Variants in TGFB1 observed in about 807,000 individuals in gnomAD.
TGFB1 encodes the protein transforming growth factor beta 1.
Under a neutral mutation model 43.8 loss-of-function variants are expected in TGFB1, and 19 were observed. That is an observed-to-expected ratio of 0.43 (90% confidence interval 0.30 to 0.64). TGFB1 has a LOEUF of 0.64. TGFB1 is among the 30% of genes least tolerant of loss of function. TGFB1 has a pLI of 0.11. For missense variants in TGFB1, 445 were observed against 529.8 expected, an observed-to-expected ratio of 0.84 and a Z score of 1.57; for synonymous variants, 221 against 236.3, an observed-to-expected ratio of 0.94 and a Z score of 0.60.
chr19:41,334,366 ACT>A (rs2037966517), intron 5 of TGFB1, among the ~76,000 whole-genome samples: 1 of 151,218 alleles, frequency 6.6e-6, no homozygotes, highest in African/African-American at 2.4e-5. Flanking sequence ...ACAGGGTGAG[ACT>A]CTGTCTTGAA....
At chr19:41,352,113 C>T (rs1309805802) in intron 1 of TGFB1, among the ~76,000 whole-genome samples, 1 of 152,072 alleles carries the variant, frequency 6.6e-6, no homozygotes, top group Admixed American at 6.6e-5. Context: ...ACGACTCTCC[C>T]CCACCCCCGC....
intron 2 of TGFB1, among the ~76,000 whole-genome samples, chr19:41,345,795 A>T (rs981475188): frequency 2.0e-5 from 3 of 150,908 alleles, no homozygotes; most frequent in Non-Finnish European, 4.4e-5. Flanking sequence ...CCAGCTACTC[A>T]GGAGGCTGAG....
At chr19:41,346,896 T>G (rs1226518125) in intron 2 of TGFB1, among the ~76,000 whole-genome samples, 1 of 151,894 alleles carries the variant, frequency 6.6e-6, no homozygotes, top group African/African-American at 2.4e-5. Flanking sequence ...TGGCTAATTT[T>G]TGTATTTTTA....
intron 5 of TGFB1, among the ~76,000 whole-genome samples, chr19:41,338,117 G>A (rs1191922784): frequency 6.6e-6 from 1 of 151,964 alleles, no homozygotes; most frequent in African/African-American, 2.4e-5. Flanking sequence ...GCTTGAACCT[G>A]GGAGGCGGAG....
intron 5 of TGFB1, among the ~76,000 whole-genome samples, chr19:41,336,495 C>G (rs963592639): frequency 6.6e-6 from 1 of 151,994 alleles, no homozygotes; most frequent in Admixed American, 6.6e-5. Context: ...AAGCCAACCT[C>G]CCACCTCAGC....
intron 3 of TGFB1, among the ~76,000 whole-genome samples, chr19:41,343,980 C>CTT (rs3061192): frequency 0.5 from 49,231 of 98,480 alleles, 12,721 homozygotes; most frequent in African/African-American, 0.6. Flanking sequence ...TGCCTGGAAT[C>CTT]TTTTTTTTTT....
At chr19:41,345,211 T>A (rs1013053396) in intron 2 of TGFB1, among the ~76,000 whole-genome samples, 15 of 152,180 alleles carry the variant, frequency 9.9e-5, no homozygotes, top group African/African-American at 3.4e-4. Context: ...CTGCTAACAT[T>A]CTGGGCCGGG....
At chr19:41,347,488 T>C (rs2038128880) in intron 2 of TGFB1, among the ~76,000 whole-genome samples, 2 of 152,190 alleles carry the variant, frequency 1.3e-5, no homozygotes, top group Admixed American at 1.3e-4. Context: ...GATTCCAGCC[T>C]TCTAAGTGTT....
At chr19:41,341,124 G>C (rs964295780) in intron 5 of TGFB1, among the ~76,000 whole-genome samples, 3 of 152,018 alleles carry the variant, frequency 2.0e-5, no homozygotes, top group African/African-American at 7.2e-5. Context: ...GAGGTCAGGA[G>C]ATCAAGACCA....
At chr19:41,339,660 T>TA (rs1332917330) in intron 5 of TGFB1, among the ~76,000 whole-genome samples, 1 of 151,882 alleles carries the variant, frequency 6.6e-6, no homozygotes, top group South Asian at 2.1e-4. Context: ...CAGTGTCTAC[T>TA]AAAAAAACCA....
At chr19:41,332,475 C>A (rs991779249) in intron 5 of TGFB1, among the ~76,000 whole-genome samples, 194 bp from the exon 6 acceptor site, 2 of 152,172 alleles carry the variant, frequency 1.3e-5, no homozygotes, top group Admixed American at 6.5e-5. Context: ...TAAGCACTTC[C>A]TCCAGTGCTA....
chr19:41,347,445 G>A (rs1386165844), intron 2 of TGFB1, among the ~76,000 whole-genome samples: 3 of 152,148 alleles, frequency 2.0e-5, no homozygotes, highest in Non-Finnish European at 4.4e-5. Flanking sequence ...CAACTTTCAA[G>A]AATCCTGTGT....
chr19:41,342,074 ACT>A (rs764932015), intron 4 of TGFB1, 44 bp from the exon 5 acceptor site: 1 of 1,613,932 alleles, frequency 6.2e-7, no homozygotes, highest in Admixed American at 1.7e-5. Flanking sequence ...ATACACACAC[ACT>A]CTCAGAGGGA....
In TGFB1 at chr19:41,331,127, G is replaced by A. The variant is rs1477839489; in HGVS notation, c.1098C>T (p.Ile366=). 4 of 1,578,806 alleles carry A rather than the reference G, an allele frequency of 2.5e-6. No individual in the cohort carries two copies. The highest frequency in any genetic ancestry group is 2.3e-5 in the East Asian group (1 of 43,448). Residue 366 remains isoleucine, a synonymous_variant, in exon 7 of 7, where the codon ATC becomes ATT. Transcript: ENST00000221930. ...TGGGCTTGCGGCCCACGTAGTACACGATGGGCAGCGGCTCCAGCGCCTGCG... is the reference window on the plus strand; with the variant it reads ...TGGGCTTGCGGCCCACGTAGTACACAATGGGCAGCGGCTCCAGCGCCTGCG... ...CVPQALEPLP[I]VYYVGRKPKV...
intron 3 of TGFB1, among the ~76,000 whole-genome samples, chr19:41,343,591 G>GCCTCCCTGTCCCAGCCTTGT (rs562431972): frequency 1.2e-3 from 180 of 152,206 alleles, no homozygotes; most frequent in African/African-American, 4.1e-3. Flanking sequence ...CATCCTGCAT[G>GCCTCCCTGTCCCAGCCTTGT]CCTCCCTGTC....
At position 41,332,307 on chromosome 19, in the gene TGFB1, G is replaced by C. The variant is rs1239865154; in HGVS notation, c.861-26C>G. ...CTGCAGGCAGGAGAGACGCGTCAGGGGCAGGGAGGGGCTACCACCATAGAA... is the reference window on the plus strand; with the variant it reads ...CTGCAGGCAGGAGAGACGCGTCAGGCGCAGGGAGGGGCTACCACCATAGAA... On this transcript the variant is annotated intron_variant, in intron 5 of 6. Transcript: ENST00000221930. 2.5e-6 allele frequency: 4 copies of C among 1,606,478 alleles called. No homozygotes were observed. In the East Asian group the frequency reaches 8.9e-5, roughly 36 times the overall value.
At chr19:41,344,640 T>G in intron 3 of TGFB1, 107 bp downstream of exon 3, 2 of 1,028,898 alleles carry the variant, frequency 1.9e-6, no homozygotes, top group Non-Finnish European at 3.0e-6. Context: ...CTCAGCACTT[T>G]CACACCAGTA....
intron 5 of TGFB1, among the ~76,000 whole-genome samples, chr19:41,339,802 C>T (rs995933901): frequency 4.6e-5 from 7 of 152,086 alleles, no homozygotes; most frequent in East Asian, 3.9e-4. Context: ...CCAGCCTGGG[C>T]AACAGAGCGA....
intron 2 of TGFB1, 60 bp from the exon 3 acceptor site, chr19:41,344,924 C>T (rs2038099381): frequency 1.4e-6 from 2 of 1,430,768 alleles, no homozygotes; most frequent in Admixed American, 3.9e-5. Flanking sequence ...ACCCCACATA[C>T]ACTAACTGAA....
Sources: gnomAD v4.1 joint callset for allele counts (sites outside exome capture counted in the v4.1 genomes callset) on GRCh38, gnomAD v4.1.1 for gene constraint, MANE v1.5 for transcripts, NCBI Gene and HGNC (gene_info 2026-07-23, HGNC 2026-07-21) for gene names.